CHRAC1: variants seen among roughly 807,000 people sequenced by gnomAD.
CHRAC1 encodes chromatin accessibility complex protein 1.
In CHRAC1, 6 loss-of-function variants were observed where a neutral mutation model predicts 9.1. The ratio of observed to expected loss-of-function variants is 0.66; its 90% confidence interval spans 0.36 to 1.29. The LOEUF is 1.29. Among genes scored for constraint, CHRAC1 ranks in the 50% most tolerant of loss-of-function variants. CHRAC1 has a pLI of 0.03. For synonymous variants in CHRAC1, 73 were observed against 64.5 expected, an observed-to-expected ratio of 1.13 and a Z score of -0.63; for missense variants, 168 against 163.5, an observed-to-expected ratio of 1.03 and a Z score of -0.15.
chr8:140,515,292 C>T lies in CHRAC1; in HGVS notation c.*45C>T, dbSNP rs1564059464. 5 of 1,597,142 alleles carry T rather than the reference C, an allele frequency of 3.1e-6. No homozygotes were observed. The highest frequency in any genetic ancestry group is 3.4e-6 in the Non-Finnish European group (4 of 1,172,180). On this transcript the variant is annotated 3_prime_UTR_variant, in exon 3 of 3. Coordinates refer to ENST00000220913, the MANE Select transcript of CHRAC1 (RefSeq NM_017444.6). ...CCAGCCTGGCGAGGACAGCCCTGGACCCACTCCACTGTCTCTAAGTAAACA... is the reference window on the plus strand; with the variant it reads ...CCAGCCTGGCGAGGACAGCCCTGGATCCACTCCACTGTCTCTAAGTAAACA...
chr8:140,511,531 GC>G lies in CHRAC1; in HGVS notation c.33del (p.Glu13SerfsTer16), dbSNP rs751579910. ...GACGTGGTCGTGGGTAAAGACAAGGGCGGGGAGCAGCGGCTCATCTCGCTGC... is the reference window on the plus strand; with the variant it reads ...GACGTGGTCGTGGGTAAAGACAAGGGGGGGAGCAGCGGCTCATCTCGCTGC... Reference protein sequence around the residue: MADVVVGKDKGGEQRLISLPL... With the variant: MADVVVGKDKXGEQRLISLPL... On this transcript the variant is annotated frameshift_variant, in exon 1 of 3. Transcript: ENST00000220913. LOFTEE classifies it high-confidence loss of function. 1.4e-6 allele frequency: 2 copies of G among 1,399,022 alleles called. No individual in the cohort carries two copies. Among genetic ancestry groups the G allele is most frequent in the East Asian group, 3.0e-5 (1 of 33,824 alleles). The allele number at this position is 1,399,022 out of a possible 1,614,324, so 86.7% of individuals were successfully genotyped here.
At chr8:140,512,328 C>G (rs925388743) in intron 1 of CHRAC1, among the ~76,000 whole-genome samples, 3 of 152,228 alleles carry the variant, frequency 2.0e-5, no homozygotes, top group Non-Finnish European at 4.4e-5. Flanking sequence ...GGTGCCAGCT[C>G]CAGCGGTCCG....
Position 140,511,649 on chromosome 8 carries a change from G to A in CHRAC1, c.147+3G>A. On this transcript the variant is annotated splice_donor_region_variant and intron_variant, in intron 1 of 2. Coordinates refer to ENST00000220913, the MANE Select transcript of CHRAC1 (RefSeq NM_017444.6). ...TGGTGCTCACGGCCAAGGCCACGGTGAGGGGGCAGGGCGGGGGTGTGGGCC... is the reference window on the plus strand; with the variant it reads ...TGGTGCTCACGGCCAAGGCCACGGTAAGGGGGCAGGGCGGGGGTGTGGGCC... 1.4e-6 allele frequency: 2 copies of A among 1,407,738 alleles called. No individual in the cohort carries two copies. Among genetic ancestry groups the A allele is most frequent in the Non-Finnish European group, 1.9e-6 (2 of 1,074,186 alleles). The allele number at this position is 1,407,738 out of a possible 1,614,324, so 87.2% of individuals were successfully genotyped here. A position where few individuals can be genotyped will look rare whatever the true frequency, so the allele number is the denominator to read the frequency against.
chr8:140,511,368 G>C lies in CHRAC1; in HGVS notation c.-132G>C. On this transcript the variant is annotated 5_prime_UTR_variant, in exon 1 of 3. Coordinates refer to ENST00000220913, the MANE Select transcript of CHRAC1 (RefSeq NM_017444.6). ...CGGACGGGCCGCTCCCGGCCTCGCG[G>C]CCTCGCCTCCCCACACTACAACTCC... 1 of 797,744 alleles carries C rather than the reference G, an allele frequency of 1.3e-6. No homozygotes were observed. Among genetic ancestry groups the C allele is most frequent in the Non-Finnish European group, 1.7e-6 (1 of 586,068 alleles). 49.4% of individuals were successfully genotyped at this position (797,744 alleles called of 1,614,324 possible).
chr8:140,514,534 A>C, intron 2 of CHRAC1, 39 bp downstream of exon 2: 1 of 1,496,154 alleles, frequency 6.7e-7, no homozygotes, highest in Non-Finnish European at 8.9e-7. Flanking sequence ...AAAAATGATT[A>C]GTAATCAATA....
At chr8:140,512,009 T>G in intron 1 of CHRAC1, 1 of 1,280,814 alleles carries the variant, frequency 7.8e-7, no homozygotes, top group Non-Finnish European at 1.0e-6. Flanking sequence ...TCTCTCGCGC[T>G]TCCATTCGGC....
At chr8:140,511,967 C>T (rs939554682) in intron 1 of CHRAC1, 2 of 1,289,540 alleles carry the variant, frequency 1.6e-6, no homozygotes, top group Non-Finnish European at 2.0e-6. Context: ...TGCGCACCTT[C>T]GCCCCGCCCA....
In CHRAC1 at chr8:140,514,862, C is replaced by T. The variant is rs1009365552; in HGVS notation, c.275-264C>T. 5 of 391,774 alleles carry T rather than the reference C, an allele frequency of 1.3e-5. No individual in the cohort carries two copies. In the Admixed American group the frequency reaches 1.7e-4, roughly 13 times the overall value. The allele number at this position is 391,774 out of a possible 1,614,324, so 24.3% of individuals were successfully genotyped here. On this transcript the variant is annotated intron_variant, in intron 2 of 2. Coordinates refer to ENST00000220913, the MANE Select transcript of CHRAC1 (RefSeq NM_017444.6). ...ACCCTGGGGCTAGCCTAGGCTATCT[C>T]AGGTAGTCGGGCAGGGTTGCTCATA... is the stretch of plus-strand genomic sequence containing the variant.
chr8:140,515,087 A>G (rs763161160), intron 2 of CHRAC1, 39 bp from the exon 3 acceptor site: 2 of 1,598,640 alleles, frequency 1.3e-6, no homozygotes, highest in Non-Finnish European at 1.7e-6. Context: ...TTCATAGTCT[A>G]CCATAACCAA....
chr8:140,515,023 C>T (rs2072319090), intron 2 of CHRAC1, 103 bp from the exon 3 acceptor site: 3 of 1,145,096 alleles, frequency 2.6e-6, no homozygotes, highest in Non-Finnish European at 2.5e-6. Flanking sequence ...GTTTTGGAAC[C>T]TCTTATAGAG....
chr8:140,512,086 C>T (rs2072282707), intron 1 of CHRAC1: 2 of 1,190,070 alleles, frequency 1.7e-6, no homozygotes, highest in Admixed American at 2.4e-5. Flanking sequence ...TCACGTCCTC[C>T]CTCGCGTGCG....
intron 1 of CHRAC1, chr8:140,512,047 C>T: frequency 2.3e-6 from 3 of 1,282,066 alleles, no homozygotes; most frequent in Non-Finnish European, 3.0e-6. Flanking sequence ...CGTTCCTCTG[C>T]GCGCCTTTCG....
Position 140,514,239 on chromosome 8 carries a change from A to G in CHRAC1, c.148-130A>G, listed in dbSNP as rs373818750. 16 of 1,025,308 alleles carry G rather than the reference A, an allele frequency of 1.6e-5. No homozygotes were observed. In the East Asian group the frequency reaches 4.7e-4, roughly 30 times the overall value. 63.5% of individuals were successfully genotyped at this position (1,025,308 alleles called of 1,614,324 possible). The stretch of plus-strand genomic sequence containing the variant: ...GATTTCTTGTAATTTAATTTGAGAA[A>G]CCAAGAGAATCTGAAGTCTTAATAT... On this transcript the variant is annotated intron_variant, in intron 1 of 2. Coordinates refer to ENST00000220913, the MANE Select transcript of CHRAC1 (RefSeq NM_017444.6).
At chr8:140,514,886 T>C (rs149080762) in intron 2 of CHRAC1, 39 of 420,520 alleles carry the variant, frequency 9.3e-5, no homozygotes, top group African/African-American at 7.1e-4. Context: ...GGGTTGCTCA[T>C]AAAAGCAGCT....
intron 1 of CHRAC1, 70 bp downstream of exon 1, chr8:140,511,716 T>TGCCC: frequency 8.1e-7 from 1 of 1,230,564 alleles, no homozygotes; most frequent in East Asian, 3.3e-5. Context: ...CTCTGGGCAC[T>TGCCC]GCCCAGTCCC....
Position 140,516,323 on chromosome 8 carries a change from T to A in CHRAC1, c.*1076T>A, listed in dbSNP as rs1199472199. The A allele has an allele frequency of 6.6e-6, 1 of 151,944 alleles. No individual in the cohort carries two copies. Among genetic ancestry groups the A allele is most frequent in the Non-Finnish European group, 1.5e-5 (1 of 68,010 alleles). 9.4% of individuals were successfully genotyped at this position (151,944 alleles called of 1,614,324 possible). A position where few individuals can be genotyped will look rare whatever the true frequency, so the allele number is the denominator to read the frequency against. ...CCACCATGCCCAACCTATTTTTGTATTTTTTAGTAGAGACGGGGTTCACCA... is the reference window on the plus strand; with the variant it reads ...CCACCATGCCCAACCTATTTTTGTAATTTTTAGTAGAGACGGGGTTCACCA... On this transcript the variant is annotated 3_prime_UTR_variant, in exon 3 of 3. Coordinates refer to ENST00000220913, the MANE Select transcript of CHRAC1 (RefSeq NM_017444.6).
chr8:140,512,606 C>G (rs2072290830), intron 1 of CHRAC1, among the ~76,000 whole-genome samples: 1 of 152,162 alleles, frequency 6.6e-6, no homozygotes, highest in South Asian at 2.1e-4. Context: ...ATTTTCCAGT[C>G]CCTACTTGTA....
chr8:140,517,014 A>G lies in CHRAC1; in HGVS notation c.*1767A>G, dbSNP rs150263645. The G allele has an allele frequency of 1.3e-3, 191 of 152,350 alleles. 1 individual carries two copies. The highest frequency in any genetic ancestry group is 4.5e-3 in the African/African-American group (185 of 41,560). The allele number at this position is 152,350 out of a possible 1,614,324, so 9.4% of individuals were successfully genotyped here. ...AAGGAATGCAGGTGGCTGTGTTTCA[A>G]TAGAGCTTTATTTCTGCAAACTGAA... On this transcript the variant is annotated 3_prime_UTR_variant, in exon 3 of 3. Transcript: ENST00000220913.
At position 140,515,249 on chromosome 8, in the gene CHRAC1, C is replaced by T. The variant is rs1276667523; in HGVS notation, c.*2C>T. 6.2e-7 allele frequency: 1 copy of T among 1,613,362 alleles called. No homozygotes were observed. The highest frequency in any genetic ancestry group is 1.7e-5 in the Admixed American group (1 of 59,870). ...GACCATGATGAAGCTGACTCCTAAA[C>T]CAAAAGTGCTTTAAAAACCAGCCTG... On this transcript the variant is annotated 3_prime_UTR_variant, in exon 3 of 3. Coordinates refer to ENST00000220913, the MANE Select transcript of CHRAC1 (RefSeq NM_017444.6).
Sources: allele counts gnomAD v4.1 joint callset (sites outside exome capture counted in the v4.1 genomes callset), GRCh38; gene constraint gnomAD v4.1.1; transcripts MANE v1.5; gene names NCBI Gene and HGNC (gene_info 2026-07-23, HGNC 2026-07-21).